Variants in LHFPL3 observed in about 807,000 individuals in gnomAD.
LHFPL3 encodes LHFPL tetraspan subfamily member 3 protein.
LHFPL3 carries 5 observed loss-of-function variants against 19.3 expected under a neutral mutation model. The observed-to-expected ratio is 0.26, with a 90% CI of 0.14 to 0.54. The LOEUF (loss-of-function observed/expected upper bound fraction) is 0.54, where lower values mean the gene tolerates loss of function less well. Ranked by LOEUF, LHFPL3 falls within the 20% of genes least tolerant of loss-of-function variation. LHFPL3 has a pLI of 0.94. For synonymous variants in LHFPL3, 133 were observed against 126.2 expected (o/e 1.05, Z -0.36); for missense variants, 249 against 307.4 (o/e 0.81, Z 1.42).
intron 1 of LHFPL3, among the ~76,000 whole-genome samples, chr7:104,714,828 G>C (rs1008045071): frequency 3.3e-5 from 5 of 152,146 alleles, no homozygotes; most frequent in Non-Finnish European, 5.9e-5. Context: ...TTATGCAACT[G>C]TTCTTAAAAT....
intron 2 of LHFPL3, among the ~76,000 whole-genome samples, chr7:104,889,070 A>C (rs1792199603): frequency 6.6e-6 from 1 of 152,256 alleles, no homozygotes. Flanking sequence ...GCATTGTTTA[A>C]AATCAAAATT....
intron 1 of LHFPL3, among the ~76,000 whole-genome samples, chr7:104,629,542 A>T (rs966122804): frequency 6.5e-4 from 99 of 152,198 alleles, no homozygotes; most frequent in Non-Finnish European, 1.3e-4. Flanking sequence ...CCGGAAATGG[A>T]AGCTGGTTAG....
At chr7:104,559,253 C>G (rs988458597) in intron 1 of LHFPL3, among the ~76,000 whole-genome samples, 2 of 137,916 alleles carry the variant, frequency 1.5e-5, no homozygotes, top group African/African-American at 2.8e-5. Flanking sequence ...GGCATTGAAT[C>G]TGTAAATTAC....
chr7:104,851,323 C>G (rs775082719), intron 2 of LHFPL3, among the ~76,000 whole-genome samples: 3 of 152,270 alleles, frequency 2.0e-5, no homozygotes, highest in Non-Finnish European at 4.4e-5. Flanking sequence ...TCTTGGGAGT[C>G]TGAGTCTCTG....
chr7:104,668,505 C>A, intron 1 of LHFPL3: 1 of 1,613,068 alleles, frequency 6.2e-7, no homozygotes, highest in Non-Finnish European at 8.5e-7. Flanking sequence ...TGGCCGGGAT[C>A]GCTATGATGA....
chr7:104,443,253 C>T (rs1021531715), intron 1 of LHFPL3, among the ~76,000 whole-genome samples: 11 of 152,168 alleles, frequency 7.2e-5, no homozygotes, highest in South Asian at 6.2e-4. Flanking sequence ...TATGCAATAT[C>T]AGCATCCCTC....
At chr7:104,842,587 A>T (rs1423209303) in intron 2 of LHFPL3, among the ~76,000 whole-genome samples, 2 of 152,178 alleles carry the variant, frequency 1.3e-5, no homozygotes, top group African/African-American at 4.8e-5. Flanking sequence ...TCTCCTCAAC[A>T]CAAAAAGCGT....
intron 1 of LHFPL3, among the ~76,000 whole-genome samples, chr7:104,341,128 G>A (rs991091190): frequency 1.4e-4 from 21 of 152,048 alleles, no homozygotes; most frequent in African/African-American, 4.6e-4. Flanking sequence ...TCTGCTATTC[G>A]AAATTTAACT....
intron 2 of LHFPL3, among the ~76,000 whole-genome samples, chr7:104,823,137 CAT>C (rs1422877763): frequency 2.0e-5 from 3 of 152,152 alleles, no homozygotes; most frequent in East Asian, 1.9e-4. Context: ...GAGAATGAAA[CAT>C]GTGGAGAATG....
At chr7:104,750,752 G>A (rs1794149360) in intron 2 of LHFPL3, among the ~76,000 whole-genome samples, 1 of 152,176 alleles carries the variant, frequency 6.6e-6, no homozygotes, top group Non-Finnish European at 1.5e-5. Flanking sequence ...GAAACACTTG[G>A]GACAGGGGGG....
rs1274081772 is a variant in LHFPL3, at chr7:104,433,845, G to T, written c.445+104621G>T. Among the ~76,000 whole-genome samples, 4 of 152,192 alleles carry T rather than the reference G, an allele frequency of 2.6e-5. No individual in the cohort carries two copies. In the East Asian group the frequency reaches 7.7e-4, roughly 29 times the overall value. On this transcript the variant is annotated intron_variant, in intron 1 of 2. Transcript: ENST00000424859. ...TTCTGTCTTCCCTTCTACACTGTAA[G>T]ATCCTTGGGTCTTGATCATCATGGA...
chr7:104,494,478 T>G (rs1404231881), intron 1 of LHFPL3, among the ~76,000 whole-genome samples: 1 of 152,200 alleles, frequency 6.6e-6, no homozygotes, highest in African/African-American at 2.4e-5. Context: ...TCTCCTCTCA[T>G]TTTCACATGT....
At chr7:104,526,401 C>G (rs1404504837) in intron 1 of LHFPL3, among the ~76,000 whole-genome samples, 2 of 152,206 alleles carry the variant, frequency 1.3e-5, no homozygotes, top group Non-Finnish European at 2.9e-5. Flanking sequence ...TAGGGGCTGG[C>G]AGAAAAGATG....
intron 2 of LHFPL3, among the ~76,000 whole-genome samples, chr7:104,771,541 C>G (rs1330576725): frequency 1.3e-5 from 2 of 152,040 alleles, no homozygotes. Context: ...GAAATATATA[C>G]TAATTATATT....
chr7:104,453,484 A>G (rs1273132185), intron 1 of LHFPL3, among the ~76,000 whole-genome samples: 2 of 152,196 alleles, frequency 1.3e-5, no homozygotes, highest in Non-Finnish European at 2.9e-5. Flanking sequence ...TCCTTGAGAA[A>G]GACATTCCTG....
intron 1 of LHFPL3, among the ~76,000 whole-genome samples, chr7:104,498,322 T>C (rs1189076161): frequency 2.6e-5 from 4 of 152,198 alleles, no homozygotes; most frequent in Admixed American, 2.6e-4. Context: ...CCATGAGTTC[T>C]ATCAAACTGT....
chr7:104,742,979 G>T (rs902379968), intron 2 of LHFPL3, among the ~76,000 whole-genome samples: 9 of 152,008 alleles, frequency 5.9e-5, no homozygotes, highest in African/African-American at 1.7e-4. Flanking sequence ...AAATTAGCTG[G>T]GCATGGTGGT....
At chr7:104,686,547 TTCTC>T (rs1268139632) in intron 1 of LHFPL3, among the ~76,000 whole-genome samples, 2 of 152,074 alleles carry the variant, frequency 1.3e-5, no homozygotes, top group Non-Finnish European at 2.9e-5. Context: ...CACCAAGTAA[TTCTC>T]TGGTGGACAC....
At chr7:104,332,946 G>A (rs1203403936) in intron 1 of LHFPL3, among the ~76,000 whole-genome samples, 9 of 148,436 alleles carry the variant, frequency 6.1e-5, no homozygotes, top group South Asian at 2.1e-4. Context: ...TCTTCAGAAG[G>A]AAAAAAAAAA....
Sources: allele counts gnomAD v4.1 joint callset (sites outside exome capture counted in the v4.1 genomes callset), GRCh38; gene constraint gnomAD v4.1.1; transcripts MANE v1.5; gene names NCBI Gene and HGNC (gene_info 2026-07-23, HGNC 2026-07-21).